Variants in ARHGEF28 observed in about 807,000 individuals in gnomAD.
ARHGEF28 encodes Rho guanine nucleotide exchange factor 28.
Under a neutral mutation model 206.6 loss-of-function variants are expected in ARHGEF28, and 152 were observed. That is an observed-to-expected ratio of 0.74 (90% CI 0.64 to 0.84). The LOEUF (loss-of-function observed/expected upper bound fraction) is 0.84, where lower values mean the gene tolerates loss of function less well. Ranked by LOEUF, ARHGEF28 falls within the 40% of genes least tolerant of loss-of-function variation. The pLI, the probability that ARHGEF28 is intolerant of heterozygous loss-of-function variation, is 0.00. For synonymous variants in ARHGEF28, 763 were observed against 776.4 expected (o/e 0.98, Z 0.29); for missense variants, 2,028 against 2,073.2 (o/e 0.98, Z 0.42).
intron 1 of ARHGEF28, among the ~76,000 whole-genome samples, chr5:73,662,180 G>A (rs1561316796): frequency 6.6e-6 from 1 of 152,138 alleles, no homozygotes. Flanking sequence ...GCTTTCATTT[G>A]GCGTTTACTG....
At chr5:73,730,407 A>G (rs1750539235) in intron 2 of ARHGEF28, among the ~76,000 whole-genome samples, 1 of 152,194 alleles carries the variant, frequency 6.6e-6, no homozygotes, top group Non-Finnish European at 1.5e-5. Context: ...GTTGGATTCC[A>G]GTGTTGCCTT....
chr5:73,906,723 C>T (rs904195085), intron 33 of ARHGEF28, among the ~76,000 whole-genome samples: 4 of 151,904 alleles, frequency 2.6e-5, no homozygotes, highest in Admixed American at 2.0e-4. Flanking sequence ...GTATGATATG[C>T]GTGTATATGT....
chr5:73,657,707 C>T (rs1406893297), intron 1 of ARHGEF28, among the ~76,000 whole-genome samples: 2 of 152,122 alleles, frequency 1.3e-5, no homozygotes, highest in African/African-American at 2.4e-5. Flanking sequence ...TCCAGGGAAC[C>T]CTTCTTTCCT....
chr5:73,686,523 T>TC (rs200224709), intron 2 of ARHGEF28, among the ~76,000 whole-genome samples: 22 of 150,148 alleles, frequency 1.5e-4, no homozygotes, highest in Non-Finnish European at 5.9e-5. Flanking sequence ...TTCTTTTCTT[T>TC]TTTTTTTTTT....
chr5:73,718,958 C>T (rs1289506911), intron 2 of ARHGEF28, among the ~76,000 whole-genome samples: 1 of 152,178 alleles, frequency 6.6e-6, no homozygotes, highest in Non-Finnish European at 1.5e-5. Context: ...TGGGCTGACG[C>T]AAGAACAGCC....
intron 31 of ARHGEF28, chr5:73,902,444 A>G (rs568094972): frequency 7.9e-5 from 12 of 152,306 alleles, no homozygotes; most frequent in African/African-American, 2.2e-4. Flanking sequence ...TTCCACTCCA[A>G]TTCAGCTACA....
At chr5:73,901,487 C>A in intron 31 of ARHGEF28, 1 of 420,102 alleles carries the variant, frequency 2.4e-6, no homozygotes, top group Non-Finnish European at 4.4e-6. Context: ...TAGGTGTAAA[C>A]AAAGCAACGA....
intron 9 of ARHGEF28, among the ~76,000 whole-genome samples, chr5:73,824,935 C>T (rs556675289): frequency 6.6e-5 from 10 of 152,238 alleles, no homozygotes; most frequent in Admixed American, 3.9e-4. Context: ...CCCATCACAA[C>T]GTGTAGCAAG....
chr5:73,776,404 GGA>G, intron 5 of ARHGEF28, 110 bp from the exon 6 acceptor site: 1 of 937,436 alleles, frequency 1.1e-6, no homozygotes, highest in Non-Finnish European at 1.6e-6. Flanking sequence ...TGACTTTCAA[GGA>G]TCATTTTGCC....
In ARHGEF28 at chr5:73,784,435, AG is replaced by A. The variant is rs1204485746; in HGVS notation, c.910+3691del. ...CATTATTTCAAATGAATGGCCAAAA[AG>A]TCTTCTTATTTTAATATGCTCCTAT... On this transcript the variant is annotated intron_variant, in intron 7 of 35. Coordinates refer to ENST00000513042, the MANE Select transcript of ARHGEF28 (RefSeq NM_001177693.2). 2.6e-5 allele frequency among the ~76,000 whole-genome samples: 4 copies of A among 152,298 alleles called. No homozygotes were observed. In the South Asian group the frequency reaches 6.2e-4, roughly 24 times the overall value.
chr5:73,706,948 G>T (rs1748971749), intron 2 of ARHGEF28, among the ~76,000 whole-genome samples: 1 of 152,188 alleles, frequency 6.6e-6, no homozygotes, highest in Non-Finnish European at 1.5e-5. Context: ...GTGAATAGGG[G>T]TACCCTACCT....
At chr5:73,664,884 T>C (rs1338787808) in intron 1 of ARHGEF28, among the ~76,000 whole-genome samples, 1 of 152,162 alleles carries the variant, frequency 6.6e-6, no homozygotes, top group African/African-American at 2.4e-5. Flanking sequence ...TTTTTTCTTC[T>C]TCTCATATGC....
intron 1 of ARHGEF28, among the ~76,000 whole-genome samples, chr5:73,641,257 G>T (rs1162973015): frequency 6.6e-6 from 1 of 152,200 alleles, no homozygotes; most frequent in East Asian, 1.9e-4. Context: ...TAAATGGTTT[G>T]TAAATGCTTG....
At chr5:73,867,755 C>T in intron 18 of ARHGEF28, 121 bp from the exon 19 acceptor site, 2 of 1,322,916 alleles carry the variant, frequency 1.5e-6, no homozygotes, top group Middle Eastern at 2.3e-4. Flanking sequence ...GGTTTTAAGG[C>T]AGAGCATGCA....
intron 2 of ARHGEF28, among the ~76,000 whole-genome samples, chr5:73,735,808 G>A (rs1750891127): frequency 6.6e-6 from 1 of 152,152 alleles, no homozygotes; most frequent in Non-Finnish European, 1.5e-5. Context: ...AGGAATCACA[G>A]CCTGGCGATA....
At chr5:73,926,243 G>A (rs1054282480) in intron 35 of ARHGEF28, among the ~76,000 whole-genome samples, 11 of 152,198 alleles carry the variant, frequency 7.2e-5, no homozygotes, top group African/African-American at 2.4e-4. Flanking sequence ...CAAGGAGATG[G>A]AAATTTTATT....
At chr5:73,669,861 A>T (rs1746197871) in intron 1 of ARHGEF28, among the ~76,000 whole-genome samples, 1 of 152,040 alleles carries the variant, frequency 6.6e-6, no homozygotes, top group Admixed American at 6.6e-5. Context: ...TAATTTTTGT[A>T]TTTTTAGTAG....
intron 22 of ARHGEF28, among the ~76,000 whole-genome samples, chr5:73,879,881 G>A (rs1413939181): frequency 1.3e-5 from 2 of 152,202 alleles, no homozygotes; most frequent in Non-Finnish European, 2.9e-5. Context: ...CAGGGGTCAG[G>A]GACCCACTTG....
chr5:73,708,323 T>C (rs1198556062), intron 2 of ARHGEF28, among the ~76,000 whole-genome samples: 2 of 152,070 alleles, frequency 1.3e-5, no homozygotes, highest in African/African-American at 4.8e-5. Flanking sequence ...TAGTAGCCAA[T>C]AGGTAGTTTT....
Sources: allele counts gnomAD v4.1 joint callset (sites outside exome capture counted in the v4.1 genomes callset), GRCh38; gene constraint gnomAD v4.1.1; transcripts MANE v1.5; gene names NCBI Gene and HGNC (gene_info 2026-07-23, HGNC 2026-07-21).